The following SNX29 variants were observed in gnomAD, a reference collection of about 807,000 sequenced individuals.
SNX29 encodes the protein sorting nexin 29, also known as sorting nexin-29.
SNX29 carries 78 observed loss-of-function variants against 102.1 expected under a neutral mutation model. The observed-to-expected ratio is 0.76, with a 90% confidence interval of 0.64 to 0.92. The LOEUF (loss-of-function observed/expected upper bound fraction) is 0.92. Among genes scored for constraint, SNX29 ranks in the 40% least tolerant of loss-of-function variants. SNX29 has a pLI of 0.00. For synonymous variants in SNX29, 580 were observed against 414.5 expected (o/e 1.40, Z -4.85); for missense variants, 1,280 against 1,061.7 (o/e 1.21, Z -2.86).
rs367723044 is a variant in SNX29 at position 12,488,706 on chromosome 16, G to A, written c.2178+10847G>A. Among the ~76,000 whole-genome samples the A allele has an allele frequency of 9.2e-5, 14 of 152,234 alleles. No individual in the cohort carries two copies. The East Asian group carries it at 2.1e-3, about 23-fold the overall frequency. On this transcript the variant is annotated intron_variant, in intron 19 of 20. Coordinates refer to ENST00000566228, the MANE Select transcript of SNX29 (RefSeq NM_032167.5). ...CATAGATGCTCAGTTCCCATGTGGC[G>A]CCATCTCACCTGCCCGCTGGACATT...
chr16:12,219,065 C>T (rs766284727), intron 14 of SNX29, among the ~76,000 whole-genome samples: 12 of 152,104 alleles, frequency 7.9e-5, no homozygotes, highest in Non-Finnish European at 1.6e-4. Flanking sequence ...TGAGCCACCG[C>T]GCCTGGCCCT....
chr16:12,512,703 A>G (rs548395922), intron 19 of SNX29, among the ~76,000 whole-genome samples: 163 of 152,140 alleles, frequency 1.1e-3, no homozygotes, highest in Non-Finnish European at 1.4e-3. Context: ...TGCATGAACC[A>G]TAGACCGTCC....
intron 10 of SNX29, among the ~76,000 whole-genome samples, chr16:12,070,813 A>G (rs1422684476): frequency 5.9e-5 from 9 of 152,064 alleles, no homozygotes; most frequent in East Asian, 5.8e-4. Flanking sequence ...AAGTGTTCCT[A>G]TTTCTCCACA....
chr16:12,554,422 G>A (rs76143244), intron 20 of SNX29, among the ~76,000 whole-genome samples: 2,342 of 152,250 alleles, frequency 0.015, 55 homozygotes, highest in African/African-American at 0.053. Context: ...TAATGTCAGC[G>A]TGTCCTGCTG....
At chr16:12,070,688 T>C (rs1183513784) in intron 10 of SNX29, among the ~76,000 whole-genome samples, 3 of 151,902 alleles carry the variant, frequency 2.0e-5, no homozygotes, top group South Asian at 2.1e-4. Context: ...TTTGGGTATA[T>C]ACCCAGTAAT....
At chr16:12,078,322 A>G (rs1224045617) in intron 10 of SNX29, among the ~76,000 whole-genome samples, 2 of 152,148 alleles carry the variant, frequency 1.3e-5, no homozygotes, top group African/African-American at 4.8e-5. Context: ...TAAAAATACA[A>G]GAATTAGTCG....
intron 14 of SNX29, among the ~76,000 whole-genome samples, chr16:12,269,177 T>C (rs2079019561): frequency 6.6e-6 from 1 of 152,214 alleles, no homozygotes; most frequent in South Asian, 2.1e-4. Flanking sequence ...GAGTGGAACT[T>C]CTATAATTAT....
intron 14 of SNX29, among the ~76,000 whole-genome samples, chr16:12,215,190 G>A (rs1451174852): frequency 6.6e-6 from 1 of 152,056 alleles, no homozygotes; most frequent in East Asian, 1.9e-4. Flanking sequence ...CGGGAGAACT[G>A]AAGCTTAGAA....
intron 18 of SNX29, among the ~76,000 whole-genome samples, chr16:12,469,735 G>A (rs9933698): frequency 0.069 from 10,530 of 152,242 alleles, 608 homozygotes; most frequent in East Asian, 0.29. Context: ...CTGGCTGGGC[G>A]CAGGGTGGCT....
chr16:12,235,193 T>C (rs1364737309), intron 14 of SNX29, among the ~76,000 whole-genome samples: 1 of 152,192 alleles, frequency 6.6e-6, no homozygotes, highest in Non-Finnish European at 1.5e-5. Context: ...GCTCACTCTT[T>C]CTTTCCTTTC....
chr16:12,305,585 T>A (rs2080313147), intron 15 of SNX29, among the ~76,000 whole-genome samples: 1 of 152,224 alleles, frequency 6.6e-6, no homozygotes. Context: ...TATTTTGTTC[T>A]CCATAGATTT....
chr16:12,526,195 T>C (rs1224180324), intron 20 of SNX29, among the ~76,000 whole-genome samples: 1 of 152,238 alleles, frequency 6.6e-6, no homozygotes, highest in Non-Finnish European at 1.5e-5. Flanking sequence ...CCTGTCACTG[T>C]AGCTGTTTAA....
At chr16:12,195,588 T>A (rs2076752955) in intron 13 of SNX29, among the ~76,000 whole-genome samples, 1 of 152,228 alleles carries the variant, frequency 6.6e-6, no homozygotes, top group African/African-American at 2.4e-5. Context: ...CCTGTTCACA[T>A]CTGTGCAGGA....
intron 14 of SNX29, among the ~76,000 whole-genome samples, chr16:12,229,084 G>C (rs931892697): frequency 6.6e-6 from 1 of 152,246 alleles, no homozygotes; most frequent in Non-Finnish European, 1.5e-5. Context: ...TCCCTGGCCT[G>C]CCAGGATGTA....
intron 14 of SNX29, among the ~76,000 whole-genome samples, chr16:12,228,224 T>C (rs2077671791): frequency 6.6e-6 from 1 of 152,242 alleles, no homozygotes; most frequent in Non-Finnish European, 1.5e-5. Flanking sequence ...TCTCGGTCTC[T>C]GTAGAGAGAT....
chr16:12,225,327 G>C (rs1351996725), intron 14 of SNX29, among the ~76,000 whole-genome samples: 2 of 152,094 alleles, frequency 1.3e-5, no homozygotes, highest in African/African-American at 4.8e-5. Flanking sequence ...ATCTTGGATT[G>C]TAACTCCCAC....
At chr16:12,171,745 A>G (rs999357430) in intron 13 of SNX29, among the ~76,000 whole-genome samples, 2 of 152,258 alleles carry the variant, frequency 1.3e-5, no homozygotes, top group Non-Finnish European at 2.9e-5. Context: ...GGCATTGTAC[A>G]GTATTTGCTT....
At chr16:12,384,739 C>T (rs1166110231) in intron 16 of SNX29, among the ~76,000 whole-genome samples, 25 of 152,170 alleles carry the variant, frequency 1.6e-4, no homozygotes, top group Admixed American at 1.6e-3. Context: ...CCCATTTGTC[C>T]ATTTTTGCTT....
At chr16:12,229,120 A>G (rs1187949449) in intron 14 of SNX29, among the ~76,000 whole-genome samples, 2 of 152,184 alleles carry the variant, frequency 1.3e-5, no homozygotes, top group African/African-American at 2.4e-5. Flanking sequence ...CATTCCAGCT[A>G]TGTTTTATGG....
Sources: gnomAD v4.1 joint callset for allele counts (sites outside exome capture counted in the v4.1 genomes callset) on GRCh38, gnomAD v4.1.1 for gene constraint, MANE v1.5 for transcripts, NCBI Gene and HGNC (gene_info 2026-07-23, HGNC 2026-07-21) for gene names.